The following KLC1 variants were observed in gnomAD, a reference collection of about 807,000 sequenced individuals.
KLC1 encodes kinesin 2 60/70kDa.
A neutral mutation model predicts 84.2 loss-of-function variants in KLC1; 30 were observed. That is an observed-to-expected ratio of 0.36 (90% CI 0.27 to 0.48). The LOEUF (loss-of-function observed/expected upper bound fraction) is 0.48. Among genes scored for constraint, KLC1 ranks in the 20% least tolerant of loss-of-function variants. The pLI, the probability that KLC1 is intolerant of heterozygous loss-of-function variation, is 0.99. For synonymous variants in KLC1, 289 were observed against 293.3 expected (o/e 0.99, Z 0.15); for missense variants, 499 against 805.4 (o/e 0.62, Z 4.60).
At chr14:103,697,204 A>C in intron 15 of KLC1, 1 of 838,056 alleles carries the variant, frequency 1.2e-6, no homozygotes, top group Non-Finnish European at 1.4e-6. Context: ...CAACCCCAAA[A>C]TAACTTTTTC....
At chr14:103,691,843 C>T (rs891727708) in intron 14 of KLC1, among the ~76,000 whole-genome samples, 17 of 152,072 alleles carry the variant, frequency 1.1e-4, no homozygotes, top group African/African-American at 4.1e-4. Flanking sequence ...GCAGTCATGG[C>T]TCACTGCAGC....
intron 1 of KLC1, among the ~76,000 whole-genome samples, chr14:103,644,760 A>G (rs1159576521): frequency 6.6e-6 from 1 of 152,184 alleles, no homozygotes; most frequent in Admixed American, 6.6e-5. Context: ...GAAGAAAAAG[A>G]ATATTCTCTT....
rs576855043 is a variant in KLC1, at chr14:103,664,578, G to A, written c.797+1651G>A. Among the ~76,000 whole-genome samples the A allele has an allele frequency of 2.9e-3, 443 of 151,770 alleles. 2 individuals are homozygous for A. Among genetic ancestry groups the A allele is most frequent in the African/African-American group, 0.01 (420 of 41,352 alleles). The stretch of plus-strand genomic sequence containing the variant: ...GAGATAGGGTCTTGCTCAGTGATGC[G>A]ATCATGGGTCATTGCAACCTCTGAC... On this transcript the variant is annotated intron_variant, in intron 5 of 16. Coordinates refer to ENST00000334553, the MANE Select transcript of KLC1 (RefSeq NM_001394837.1).
At chr14:103,662,334 G>A (rs550186502) in intron 4 of KLC1, 140 bp downstream of exon 4, 4 of 736,864 alleles carry the variant, frequency 5.4e-6, no homozygotes, top group East Asian at 2.5e-5. Context: ...GTTGCCTTTG[G>A]TTTTCCAAAA....
At chr14:103,631,868 G>C (rs1036342767) in intron 1 of KLC1, among the ~76,000 whole-genome samples, 1 of 152,116 alleles carries the variant, frequency 6.6e-6, no homozygotes, top group Non-Finnish European at 1.5e-5. Context: ...CAAAGTGCTA[G>C]GGTTACAGGT....
chr14:103,696,610 C>A lies in KLC1; in HGVS notation c.1849-4045C>A, dbSNP rs377313684. 23 of 985,518 alleles carry A rather than the reference C, an allele frequency of 2.3e-5. No homozygotes were observed. The African/African-American group carries it at 3.5e-4, about 15-fold the overall frequency. 61.0% of individuals were successfully genotyped at this position (985,518 alleles called of 1,614,324 possible). ...ATTTCTGAATGCTGTAGAGCACTTA[C>A]CAGCTCTGACCGTGTCTTGCTGGGG... On this transcript the variant is annotated intron_variant, in intron 15 of 16. Transcript: ENST00000334553.
intron 1 of KLC1, among the ~76,000 whole-genome samples, chr14:103,650,032 T>C (rs2078296611): frequency 1.3e-5 from 2 of 152,128 alleles, no homozygotes; most frequent in Non-Finnish European, 2.9e-5. Flanking sequence ...AGATGTTAGA[T>C]TTATCAGGTT....
intron 1 of KLC1, among the ~76,000 whole-genome samples, chr14:103,653,627 C>T (rs866135182): frequency 1.1e-4 from 16 of 152,174 alleles, no homozygotes; most frequent in African/African-American, 3.9e-4. Flanking sequence ...GGCTGTCCTG[C>T]CTTTTTAAAT....
rs773143478 is a variant in KLC1, at chr14:103,679,485, C to G, written c.1590C>G (p.Val530=). 3 of 1,614,062 alleles carry G rather than the reference C, an allele frequency of 1.9e-6. No homozygotes were observed. The East Asian group carries it at 6.7e-5, about 36-fold the overall frequency. ...RSRESLNVDV[V]KYESGPDGGE... The stretch of plus-strand genomic sequence containing the variant: ...GTGAGAGCCTCAACGTGGACGTGGT[C>G]AAGTACGAGAGTGGCCCTGACGGAG... Residue 530 remains valine, a synonymous_variant, in exon 13 of 17, where the codon GTC becomes GTG. Transcript: ENST00000334553.
chr14:103,698,945 A>G (rs1436896238), intron 15 of KLC1: 1 of 1,601,148 alleles, frequency 6.2e-7, no homozygotes, highest in Admixed American at 1.7e-5. Context: ...GGAGCCGGTC[A>G]GCCAGCAGTC....
At chr14:103,659,573 T>G (rs2079115360) in intron 3 of KLC1, among the ~76,000 whole-genome samples, 1 of 152,216 alleles carries the variant, frequency 6.6e-6, no homozygotes, top group Non-Finnish European at 1.5e-5. Flanking sequence ...TAGGACCTAG[T>G]CCAGTGTTCC....
At chr14:103,697,186 T>A (rs2082602622) in intron 15 of KLC1, 1 of 933,444 alleles carries the variant, frequency 1.1e-6, no homozygotes, top group African/African-American at 1.8e-5. Flanking sequence ...GGCTGTTTTG[T>A]AAAAATCCAA....
At position 103,696,097 on chromosome 14, in the gene KLC1, CGCCCCCCG is replaced by C. The variant is rs1272433036; in HGVS notation, c.1848+3673_1848+3680del. The stretch of plus-strand genomic sequence containing the variant: ...GCTGTCAAAATAATCACTGCGCCCC[CGCCCCCCG>C]CCCCCCCCCACAGCAGCCGTGTGTG... On this transcript the variant is annotated intron_variant, in intron 15 of 16. Coordinates refer to ENST00000334553, the MANE Select transcript of KLC1 (RefSeq NM_001394837.1). 104 of 207,404 alleles carry C rather than the reference CGCCCCCCG, an allele frequency of 5.0e-4. 1 individual carries two copies. Among genetic ancestry groups the C allele is most frequent in the Non-Finnish European group, 6.1e-4 (102 of 166,798 alleles). 12.8% of individuals were successfully genotyped at this position (207,404 alleles called of 1,614,324 possible).
chr14:103,649,626 G>A (rs1049744544), intron 1 of KLC1, among the ~76,000 whole-genome samples: 7 of 148,000 alleles, frequency 4.7e-5, no homozygotes. Context: ...TTTAAATTTA[G>A]TAGACTGTAA....
At position 103,700,690 on chromosome 14, in the gene KLC1, ACAG is replaced by A. The variant is rs1227440327; in HGVS notation, c.1894_1896del (p.Gln632del). ...GCCGAGCCTCTTTTTGTGGAAAACG[ACAG>A]CAGCAGCAGTGGCCTGGAAGACGCC... On this transcript the variant is annotated inframe_deletion, in exon 16 of 17. Coordinates refer to ENST00000334553, the MANE Select transcript of KLC1 (RefSeq NM_001394837.1). 1 of 1,606,778 alleles carries A rather than the reference ACAG, an allele frequency of 6.2e-7. No homozygotes were observed. The highest frequency in any genetic ancestry group is 8.5e-7 in the Non-Finnish European group (1 of 1,177,124).
At chr14:103,679,306 TAG>T (rs1226832131) in intron 12 of KLC1, 76 bp from the exon 13 acceptor site, 14 of 1,405,382 alleles carry the variant, frequency 1.0e-5, no homozygotes, top group Admixed American at 2.2e-5. Context: ...TTTTTTTTTC[TAG>T]CGAAGTATCT....
chr14:103,694,008 TAAG>T lies in KLC1; in HGVS notation c.1848+1586_1848+1588del. 2.9e-6 allele frequency: 3 copies of T among 1,033,636 alleles called. No homozygotes were observed. The highest frequency in any genetic ancestry group is 3.5e-6 in the Non-Finnish European group (3 of 861,162). The allele number at this position is 1,033,636 out of a possible 1,614,324, so 64.0% of individuals were successfully genotyped here. A position where few individuals can be genotyped will look rare whatever the true frequency, so the allele number is the denominator to read the frequency against. On this transcript the variant is annotated intron_variant, in intron 15 of 16. Coordinates refer to ENST00000334553, the MANE Select transcript of KLC1 (RefSeq NM_001394837.1). The surrounding 1 kb of genome is among the most constrained non-coding windows in gnomAD (Gnocchi z 4.5). The stretch of plus-strand genomic sequence containing the variant: ...GTAATATTGTAATAAGGCTGTAAAT[TAAG>T]AATCTGGAAACATAAAGTACCCCTT...
At chr14:103,638,835 TA>T (rs1286106003) in intron 1 of KLC1, among the ~76,000 whole-genome samples, 2 of 151,300 alleles carry the variant, frequency 1.3e-5, no homozygotes, top group African/African-American at 2.4e-5. Context: ...TGTATGAACA[TA>T]GGGGTGTGTG....
intron 16 of KLC1, 58 bp from the exon 17 acceptor site, chr14:103,701,143 C>T: frequency 1.3e-6 from 2 of 1,545,928 alleles, no homozygotes; most frequent in Non-Finnish European, 1.8e-6. Flanking sequence ...CAGAACAGAA[C>T]TTAGTAACAC....
Sources: gnomAD v4.1 joint callset for allele counts (sites outside exome capture counted in the v4.1 genomes callset) on GRCh38, gnomAD v4.1.1 for gene constraint, Gnocchi (gnomAD v3.1) non-coding constraint, MANE v1.5 for transcripts, NCBI Gene and HGNC (gene_info 2026-07-23, HGNC 2026-07-21) for gene names.